The following DENND4A variants were observed in gnomAD, a reference collection of about 807,000 sequenced individuals.
The protein encoded by DENND4A is C-myc promoter-binding protein.
A neutral mutation model predicts 199.3 loss-of-function variants in DENND4A; 70 were observed. The observed-to-expected ratio is 0.35, with a 90% CI of 0.29 to 0.43. The LOEUF (loss-of-function observed/expected upper bound fraction) is 0.43, where lower values mean the gene tolerates loss of function less well. Ranked by LOEUF, DENND4A falls within the 20% of genes least tolerant of loss-of-function variation. The pLI is 1.00. For missense variants in DENND4A, 1,723 were observed against 2,255.8 expected, an observed-to-expected ratio of 0.76 and a Z score of 4.78; for synonymous variants, 686 against 766.9, an observed-to-expected ratio of 0.89 and a Z score of 1.74.
intron 1 of DENND4A, among the ~76,000 whole-genome samples, chr15:65,778,896 A>G (rs1051686252): frequency 2.7e-5 from 4 of 149,682 alleles, no homozygotes; most frequent in Non-Finnish European, 4.5e-5. Flanking sequence ...TCCGCATCAA[A>G]AAAAAAAAAA....
intron 5 of DENND4A, among the ~76,000 whole-genome samples, chr15:65,741,423 AAATGAAAATACATTTTACC>A (rs2076258357): frequency 6.6e-6 from 1 of 152,256 alleles, no homozygotes; most frequent in Non-Finnish European, 1.5e-5. Context: ...TATTAATTTA[AAATGAAAATACATTTTACC>A]ATATTTCTGC....
intron 5 of DENND4A, among the ~76,000 whole-genome samples, chr15:65,741,123 G>C (rs1385106315): frequency 6.6e-6 from 1 of 152,084 alleles, no homozygotes; most frequent in African/African-American, 2.4e-5. Flanking sequence ...GGTCTATGTT[G>C]CCCAGGCTGG....
At chr15:65,774,618 T>C (rs1307821755) in intron 1 of DENND4A, among the ~76,000 whole-genome samples, 1 of 151,176 alleles carries the variant, frequency 6.6e-6, no homozygotes, top group African/African-American at 2.4e-5. Context: ...CTGAGTGAGC[T>C]GAGATCGTGC....
intron 27 of DENND4A, 48 bp from the exon 28 acceptor site, chr15:65,668,171 T>TGGGAATTGAAAAAAGAAGAAAG: frequency 7.3e-7 from 1 of 1,367,208 alleles, no homozygotes. Context: ...TAGATTTACT[T>TGGGAATTGAAAAAAGAAGAAAG]TACTTCATCA....
rs755942680 is a variant in DENND4A at position 65,690,470 on chromosome 15, G to A, written c.4124C>T (p.Ala1375Val). 1.9e-5 allele frequency: 30 copies of A among 1,608,432 alleles called. No homozygotes were observed. Among genetic ancestry groups the A allele is most frequent in the Non-Finnish European group, 2.5e-5 (29 of 1,177,484 alleles). Residue 1375 changes from alanine (A) to valine (V), a missense_variant, in exon 23 of 33, where the codon GCA (alanine) becomes GTA (valine). Ala to Val is a moderately conservative substitution (Grantham distance 64). Transcript: ENST00000443035. ...TGAATACCATTTGCTTGCTTTCTCT[G>A]CAACTCCTTTTCCAGCAGTGAACAT... Reference protein sequence around the residue: ...NSMFTAGKGVAEKASKWYSRF... With the variant: ...NSMFTAGKGVVEKASKWYSRF...
chr15:65,731,813 C>A (rs2075969809), intron 8 of DENND4A, 113 bp from the exon 9 acceptor site: 9 of 703,306 alleles, frequency 1.3e-5, no homozygotes, highest in African/African-American at 1.8e-5. Flanking sequence ...TCAGTATATC[C>A]ATTTACCAGT....
rs1567017228 is a variant in DENND4A, at chr15:65,697,285, C to CT, written c.2931dup (p.Gly978ArgfsTer3). ...TACCTACAGGAACTACAATCACTCC[C>CT]TTTTTTATCTTTTTCTTCTTGAATG... On this transcript the variant is annotated frameshift_variant, in exon 21 of 33. Coordinates refer to ENST00000443035, the MANE Select transcript of DENND4A (RefSeq NM_001320835.1). LOFTEE classifies it high-confidence loss of function. 1 of 1,591,306 alleles carries CT rather than the reference C, an allele frequency of 6.3e-7. No homozygotes were observed. Among genetic ancestry groups the CT allele is most frequent in the Non-Finnish European group, 8.6e-7 (1 of 1,163,776 alleles).
Position 65,690,741 on chromosome 15 carries a change from G to A in DENND4A, c.3853C>T (p.Pro1285Ser), listed in dbSNP as rs776840803. The stretch of plus-strand genomic sequence containing the variant: ...CTTCTGCATGCCTTGACCAATGGTG[G>A]ACTTTTCTTATTTAATTTATCATCA... ...ACDDKLNKKS[P>S]PLVKACRRSS... The change falls in exon 23 of 33, where the codon CCA (proline) becomes TCA (serine). Residue 1285 changes from proline to serine, a missense_variant. Transcript: ENST00000443035. The A allele has an allele frequency of 6.2e-7, 1 of 1,613,484 alleles. No individual in the cohort carries two copies.
chr15:65,682,557 T>C (rs1175616504), intron 23 of DENND4A, among the ~76,000 whole-genome samples: 1 of 152,208 alleles, frequency 6.6e-6, no homozygotes, highest in Non-Finnish European at 1.5e-5. Flanking sequence ...TCAAACTTTC[T>C]CCTTTTTGGC....
At chr15:65,784,227 T>A (rs1482532852) in intron 1 of DENND4A, among the ~76,000 whole-genome samples, 1 of 152,016 alleles carries the variant, frequency 6.6e-6, no homozygotes, top group African/African-American at 2.4e-5. Flanking sequence ...ACAAGGAAAG[T>A]CTGAAATGCC....
chr15:65,746,419 T>G (rs2076399138), intron 4 of DENND4A, among the ~76,000 whole-genome samples: 1 of 129,532 alleles, frequency 7.7e-6, no homozygotes, highest in African/African-American at 2.8e-5. Context: ...CGGAGTCTCG[T>G]TCTGTCACGC....
intron 13 of DENND4A, 74 bp from the exon 14 acceptor site, chr15:65,715,697 G>T: frequency 1.4e-6 from 2 of 1,397,610 alleles, no homozygotes; most frequent in Non-Finnish European, 1.9e-6. Context: ...GCACTAGAAA[G>T]AATCTGAACA....
At chr15:65,695,970 C>T (rs2077131711) in intron 22 of DENND4A, among the ~76,000 whole-genome samples, 1 of 152,028 alleles carries the variant, frequency 6.6e-6, no homozygotes, top group African/African-American at 2.4e-5. Flanking sequence ...GTTACTTAAA[C>T]TATCTGAAGG....
chr15:65,741,918 T>G, intron 4 of DENND4A, 134 bp from the exon 5 acceptor site: 1 of 562,256 alleles, frequency 1.8e-6, no homozygotes, highest in Non-Finnish European at 2.9e-6. Flanking sequence ...CTATTTTCAG[T>G]TGGCTGTTTT....
At chr15:65,689,239 C>G (rs572079584) in intron 23 of DENND4A, among the ~76,000 whole-genome samples, 234 of 152,140 alleles carry the variant, frequency 1.5e-3, no homozygotes, top group African/African-American at 5.4e-3. Flanking sequence ...AAACCTTTTC[C>G]TTTATATTCT....
chr15:65,699,081 T>G (rs2077259462), intron 20 of DENND4A, among the ~76,000 whole-genome samples: 1 of 152,170 alleles, frequency 6.6e-6, no homozygotes, highest in South Asian at 2.1e-4. Flanking sequence ...ATAAGATTTC[T>G]TCATTTGTAA....
At chr15:65,786,497 A>C (rs1191317857) in intron 1 of DENND4A, among the ~76,000 whole-genome samples, 1 of 152,176 alleles carries the variant, frequency 6.6e-6, no homozygotes, top group Non-Finnish European at 1.5e-5. Flanking sequence ...TGGGAGGCCA[A>C]GGCGGTAGGA....
At chr15:65,721,563 G>A (rs2075645581) in intron 12 of DENND4A, among the ~76,000 whole-genome samples, 1 of 148,566 alleles carries the variant, frequency 6.7e-6, no homozygotes, top group African/African-American at 2.5e-5. Context: ...CGAGGCATTT[G>A]GACTTAAAGA....
chr15:65,765,465 A>C (rs886676044), intron 1 of DENND4A, among the ~76,000 whole-genome samples: 4 of 152,226 alleles, frequency 2.6e-5, no homozygotes, highest in Non-Finnish European at 5.9e-5. Context: ...TATTCAGTTG[A>C]AAGAAATAAT....
Sources: allele counts gnomAD v4.1 joint callset (sites outside exome capture counted in the v4.1 genomes callset), GRCh38; gene constraint gnomAD v4.1.1; transcripts MANE v1.5; gene names NCBI Gene and HGNC (gene_info 2026-07-23, HGNC 2026-07-21).